CHSY3: variants seen among roughly 807,000 people sequenced by gnomAD.
CHSY3 encodes chondroitin sulfate synthase 3.
CHSY3 carries 35 observed loss-of-function variants against 67.2 expected under a neutral mutation model. That is an observed-to-expected ratio of 0.52 (90% CI 0.40 to 0.69). The LOEUF is 0.69. Ranked by LOEUF, CHSY3 falls within the 30% of genes least tolerant of loss-of-function variation. The probability of loss-of-function intolerance (pLI) is 0.00; values close to 1 mark genes in which losing one functional copy is unlikely to be tolerated. For missense variants in CHSY3, 1,069 were observed against 1,138.5 expected, an observed-to-expected ratio of 0.94 and a Z score of 0.88; for synonymous variants, 474 against 434.7, an observed-to-expected ratio of 1.09 and a Z score of -1.12.
At chr5:130,077,533 A>G (rs1007410211) in intron 2 of CHSY3, among the ~76,000 whole-genome samples, 1 of 152,168 alleles carries the variant, frequency 6.6e-6, no homozygotes, top group African/African-American at 2.4e-5. Flanking sequence ...TTTATGCAGA[A>G]TTAATATTCT....
At position 129,905,513 on chromosome 5, in the gene CHSY3, T is replaced by A; in HGVS notation, c.684T>A (p.Gly228=). ...PPPLPVIALP[G]VDDSYPPQKK... ...CCCTGCCTGTCATCGCGCTACCGGG[T>A]GTGGACGACTCCTATCCTCCCCAGA... Residue 228 remains glycine (G), a synonymous_variant, in exon 1 of 3, where the codon GGT becomes GGA. Coordinates refer to ENST00000305031, the MANE Select transcript of CHSY3 (RefSeq NM_175856.5). The A allele has an allele frequency of 6.2e-7, 1 of 1,613,052 alleles. No individual in the cohort carries two copies. The highest frequency in any genetic ancestry group is 8.5e-7 in the Non-Finnish European group (1 of 1,179,954).
chr5:130,152,421 T>C (rs1211693120), intron 2 of CHSY3, among the ~76,000 whole-genome samples: 1 of 152,220 alleles, frequency 6.6e-6, no homozygotes, highest in Non-Finnish European at 1.5e-5. Context: ...GTTTTGATCC[T>C]CTACTAACTT....
chr5:129,988,276 G>A (rs1580618175), intron 2 of CHSY3, among the ~76,000 whole-genome samples: 2 of 152,170 alleles, frequency 1.3e-5, no homozygotes, highest in South Asian at 4.1e-4. Flanking sequence ...AATCACTCAG[G>A]TGATGAGTAT....
intron 2 of CHSY3, among the ~76,000 whole-genome samples, chr5:129,912,378 C>G (rs1303349926): frequency 6.6e-6 from 1 of 152,094 alleles, no homozygotes; most frequent in Non-Finnish European, 1.5e-5. Flanking sequence ...ATTCTCCAGT[C>G]AACTCATGAA....
chr5:129,928,552 T>C (rs537624812), intron 2 of CHSY3, among the ~76,000 whole-genome samples: 2 of 152,176 alleles, frequency 1.3e-5, no homozygotes, highest in Non-Finnish European at 2.9e-5. Flanking sequence ...CAAAGACTTA[T>C]TGTAGCATAA....
At chr5:130,048,786 T>C (rs1270332317) in intron 2 of CHSY3, among the ~76,000 whole-genome samples, 1 of 152,018 alleles carries the variant, frequency 6.6e-6, no homozygotes, top group African/African-American at 2.4e-5. Context: ...GGAGGATAAA[T>C]ATTAAGAAAG....
At chr5:129,928,003 C>T (rs1317421192) in intron 2 of CHSY3, among the ~76,000 whole-genome samples, 1 of 151,888 alleles carries the variant, frequency 6.6e-6, no homozygotes, top group African/African-American at 2.4e-5. Flanking sequence ...GGTTATTAAT[C>T]ATAAATTTTA....
intron 2 of CHSY3, among the ~76,000 whole-genome samples, chr5:129,908,847 T>A (rs1760425529): frequency 6.6e-6 from 1 of 152,122 alleles, no homozygotes; most frequent in Non-Finnish European, 1.5e-5. Flanking sequence ...ATTTAACATA[T>A]TTTTAAAAGT....
At chr5:130,017,257 C>T (rs1388735107) in intron 2 of CHSY3, among the ~76,000 whole-genome samples, 3 of 151,312 alleles carry the variant, frequency 2.0e-5, no homozygotes, top group Admixed American at 6.6e-5. Flanking sequence ...GGTTAGTGTT[C>T]AGGTTGCTGC....
At chr5:130,002,094 G>T (rs1763743269) in intron 2 of CHSY3, 1 of 957,736 alleles carries the variant, frequency 1.0e-6, no homozygotes, top group African/African-American at 1.8e-5. Flanking sequence ...AACAAAGGTG[G>T]TGCTTGGTGG....
At chr5:130,178,253 A>ATT (rs10699248) in intron 2 of CHSY3, among the ~76,000 whole-genome samples, 1,623 of 45,834 alleles carry the variant, frequency 0.035, 93 homozygotes, top group East Asian at 0.071. Flanking sequence ...ATATATATAT[A>ATT]TTTTTTTTTT....
intron 2 of CHSY3, among the ~76,000 whole-genome samples, chr5:130,129,004 A>G (rs372991849): frequency 1.1e-4 from 17 of 151,914 alleles, no homozygotes; most frequent in African/African-American, 3.6e-4. Context: ...TAGTTAGCCA[A>G]TACAGTAGGA....
chr5:130,170,707 T>G (rs1769873769), intron 2 of CHSY3, among the ~76,000 whole-genome samples: 1 of 152,188 alleles, frequency 6.6e-6, no homozygotes, highest in African/African-American at 2.4e-5. Context: ...TATCTCATTG[T>G]AGTTTTAATT....
At chr5:130,064,496 C>T (rs1011511246) in intron 2 of CHSY3, among the ~76,000 whole-genome samples, 2 of 152,166 alleles carry the variant, frequency 1.3e-5, no homozygotes, top group Non-Finnish European at 2.9e-5. Flanking sequence ...TTTACTTGCT[C>T]TAGGCAAGTT....
Position 129,905,395 on chromosome 5 carries a change from T to C in CHSY3, c.566T>C (p.Leu189Pro). 2 of 1,605,236 alleles carry C rather than the reference T, an allele frequency of 1.2e-6. No homozygotes were observed. Among genetic ancestry groups the C allele is most frequent in the Non-Finnish European group, 1.7e-6 (2 of 1,177,298 alleles). ...CAGAAGTACCTGGGCAGCCGCGCGCTGGCCGCGCAGCGGACCTGGGCGCGT... is the reference window on the plus strand; with the variant it reads ...CAGAAGTACCTGGGCAGCCGCGCGCCGGCCGCGCAGCGGACCTGGGCGCGT... ...TAQKYLGSRA[L>P]AAQRTWARFI... Residue 189 changes from leucine to proline, a missense_variant, in exon 1 of 3, where the codon CTG becomes CCG. By Grantham distance (98) the Leu-to-Pro change is moderately conservative (BLOSUM62 -3). Coordinates refer to ENST00000305031, the MANE Select transcript of CHSY3 (RefSeq NM_175856.5).
At chr5:129,956,085 G>T (rs1056347881) in intron 2 of CHSY3, among the ~76,000 whole-genome samples, 1 of 152,024 alleles carries the variant, frequency 6.6e-6, no homozygotes, top group African/African-American at 2.4e-5. Flanking sequence ...TCTCTAAAAA[G>T]TTCTCTTTTT....
intron 2 of CHSY3, among the ~76,000 whole-genome samples, chr5:129,957,078 T>C (rs569982990): frequency 2.6e-5 from 4 of 152,212 alleles, no homozygotes; most frequent in Non-Finnish European, 4.4e-5. Flanking sequence ...TTAACAATAT[T>C]GATTCATCCT....
intron 2 of CHSY3, among the ~76,000 whole-genome samples, chr5:129,937,542 C>CA (rs1761540617): frequency 6.6e-6 from 1 of 152,120 alleles, no homozygotes; most frequent in African/African-American, 2.4e-5. Flanking sequence ...GCCTCCTCAA[C>CA]AGTCCCTGAA....
chr5:129,958,635 A>G (rs529753441), intron 2 of CHSY3, among the ~76,000 whole-genome samples: 2 of 152,228 alleles, frequency 1.3e-5, no homozygotes, highest in East Asian at 3.9e-4. Flanking sequence ...AGTTCAAGCA[A>G]TCTTCCTACC....
Sources: allele counts gnomAD v4.1 joint callset (sites outside exome capture counted in the v4.1 genomes callset), GRCh38; gene constraint gnomAD v4.1.1; transcripts MANE v1.5; gene names NCBI Gene and HGNC (gene_info 2026-07-23, HGNC 2026-07-21).